DLG5: variants seen among roughly 807,000 people sequenced by gnomAD.
The protein encoded by DLG5 is disks large homolog 5.
In DLG5, 48 loss-of-function variants were observed where a neutral mutation model predicts 189.8. That is an observed-to-expected ratio of 0.25 (90% CI 0.20 to 0.32). The LOEUF (loss-of-function observed/expected upper bound fraction) is 0.32. Among genes scored for constraint, DLG5 ranks in the 10% least tolerant of loss-of-function variants. The pLI is 1.00. For synonymous variants in DLG5, 1,016 were observed against 1,054.1 expected (o/e 0.96, Z 0.70); for missense variants, 2,160 against 2,544.7 (o/e 0.85, Z 3.25).
intron 1 of DLG5, among the ~76,000 whole-genome samples, chr10:77,890,256 G>A (rs1845566693): frequency 6.6e-6 from 1 of 152,188 alleles, no homozygotes; most frequent in South Asian, 2.1e-4. Context: ...GCTGCAGCAG[G>A]ATGTCTTCAG....
At chr10:77,914,680 T>C (rs971317419) in intron 1 of DLG5, among the ~76,000 whole-genome samples, 1 of 151,526 alleles carries the variant, frequency 6.6e-6, no homozygotes, top group Non-Finnish European at 1.5e-5. Flanking sequence ...AGGAGTAACA[T>C]AACACTCTGA....
upstream of DLG5, among the ~76,000 whole-genome samples, chr10:77,931,341 ACTC>A (rs1340482369): frequency 6.6e-6 from 1 of 151,426 alleles, no homozygotes; most frequent in Non-Finnish European, 1.5e-5. Flanking sequence ...ACAGCCTCTA[ACTC>A]CTCAAGTGAT....
intron 7 of DLG5, among the ~76,000 whole-genome samples, chr10:77,840,675 C>T (rs963739244): frequency 1.1e-4 from 16 of 151,812 alleles, no homozygotes; most frequent in African/African-American, 3.4e-4. Context: ...GCCGAGATTG[C>T]GCCACTGCAC....
chr10:77,818,202 C>T (rs1842159836), intron 17 of DLG5, among the ~76,000 whole-genome samples: 1 of 152,026 alleles, frequency 6.6e-6, no homozygotes, highest in Admixed American at 6.6e-5. Flanking sequence ...CTGGGTGGGC[C>T]TGGGGAGGGG....
intron 14 of DLG5, among the ~76,000 whole-genome samples, chr10:77,823,885 C>T (rs1589160175): frequency 6.6e-6 from 1 of 152,062 alleles, no homozygotes; most frequent in East Asian, 1.9e-4. Flanking sequence ...TGCAGTGGCA[C>T]AATCACAACT....
At chr10:77,909,753 G>A (rs1042729114) in intron 1 of DLG5, among the ~76,000 whole-genome samples, 5 of 151,976 alleles carry the variant, frequency 3.3e-5, no homozygotes, top group African/African-American at 1.2e-4. Flanking sequence ...GTTTAGCTCC[G>A]TTTTTTTCAG....
At chr10:77,819,638 A>C in intron 16 of DLG5, 173 bp from the exon 17 acceptor site, 2 of 1,072,886 alleles carry the variant, frequency 1.9e-6, no homozygotes, top group Non-Finnish European at 2.6e-6. Context: ...GCCTGTCTCC[A>C]TTTGTAAAAA....
chr10:77,812,073 G>A lies in DLG5; in HGVS notation c.4189-16C>T, dbSNP rs145880285. On this transcript the variant is annotated splice_polypyrimidine_tract_variant and intron_variant, in intron 21 of 31. Transcript: ENST00000372391. ...TGCCGTTGAACTGGGGAAACACCAGGATGGGCTCAGTGGGGGGGTCGGGGC... is the reference window on the plus strand; with the variant it reads ...TGCCGTTGAACTGGGGAAACACCAGAATGGGCTCAGTGGGGGGGTCGGGGC... 9.1e-5 allele frequency: 146 copies of A among 1,608,058 alleles called. No homozygotes were observed. The African/African-American group carries it at 1.7e-3, about 19-fold the overall frequency.
chr10:77,905,064 A>C (rs954848891), intron 1 of DLG5, among the ~76,000 whole-genome samples: 7 of 150,188 alleles, frequency 4.7e-5, no homozygotes, highest in Admixed American at 4.0e-4. Context: ...GGGAGGCAGA[A>C]GTTGCAGTGA....
Position 77,806,738 on chromosome 10 carries a change from C to CCCCCCCCCCCCCACCAAA in DLG5, c.4967+19_4967+20insTTTGGTGGGGGGGGGGGG. ...CGGCGACCCCTGCCCCACCCCACCC[C>CCCCCCCCCCCCCACCAAA]AGGCCCGGAGAACACTTACACATAT... On this transcript the variant is annotated intron_variant, in intron 26 of 31. Coordinates refer to ENST00000372391, the MANE Select transcript of DLG5 (RefSeq NM_004747.4). The CCCCCCCCCCCCCACCAAA allele has an allele frequency of 6.4e-7, 1 of 1,574,714 alleles. No homozygotes were observed. Among genetic ancestry groups the CCCCCCCCCCCCCACCAAA allele is most frequent in the Non-Finnish European group, 8.7e-7 (1 of 1,147,900 alleles).
intron 5 of DLG5, among the ~76,000 whole-genome samples, chr10:77,852,663 G>A (rs996220130): frequency 6.6e-5 from 10 of 152,036 alleles, no homozygotes; most frequent in Admixed American, 3.9e-4. Flanking sequence ...TGCCTGCCTC[G>A]GCCTCCCAAA....
chr10:77,853,948 C>T (rs1306232137), intron 4 of DLG5, among the ~76,000 whole-genome samples: 1 of 152,220 alleles, frequency 6.6e-6, no homozygotes, highest in African/African-American at 2.4e-5. Context: ...TGGACAGAGA[C>T]CCAGAGGCCT....
At chr10:77,868,282 G>A (rs528901395) in intron 2 of DLG5, 12 of 366,268 alleles carry the variant, frequency 3.3e-5, no homozygotes, top group African/African-American at 2.5e-4. Flanking sequence ...TTATTTAACT[G>A]TTTCCCACCA....
At chr10:77,803,485 A>T (rs1333613279) in intron 27 of DLG5, among the ~76,000 whole-genome samples, 1 of 152,252 alleles carries the variant, frequency 6.6e-6, no homozygotes, top group Non-Finnish European at 1.5e-5. Flanking sequence ...GTAAAAGAAA[A>T]AGATAAACTG....
At chr10:77,794,153 G>T in intron 30 of DLG5, 36 bp from the exon 31 acceptor site, 1 of 1,578,630 alleles carries the variant, frequency 6.3e-7, no homozygotes. Flanking sequence ...TGAGCACTGA[G>T]CCTCCTCCAG....
chr10:77,821,336 C>T lies in DLG5; in HGVS notation c.3148G>A (p.Ala1050Thr), dbSNP rs552718615. 52 of 1,613,064 alleles carry T rather than the reference C, an allele frequency of 3.2e-5. No homozygotes were observed. Among genetic ancestry groups the T allele is most frequent in the South Asian group, 3.1e-4 (28 of 91,086 alleles). Reference protein sequence around the residue: ...GSSPSTSPPSALPPDVDPGEP... With the variant: ...GSSPSTSPPSTLPPDVDPGEP... ...CCGGGGTCCACGTCAGGGGGCAGGG[C>T]GCTCGGGGGACTAGTGGATGGGGAG... Residue 1050 changes from alanine (A) to threonine (T), a missense_variant, in exon 15 of 32, where the codon GCC (alanine) becomes ACC (threonine). This residue lies in a region of DLG5 where 754 missense variants were observed against 746.5 expected (regional missense o/e 1.01). Coordinates refer to ENST00000372391, the MANE Select transcript of DLG5 (RefSeq NM_004747.4).
intron 1 of DLG5, among the ~76,000 whole-genome samples, chr10:77,873,289 G>A (rs183186588): frequency 2.6e-5 from 4 of 152,266 alleles, no homozygotes; most frequent in Non-Finnish European, 1.5e-5. Flanking sequence ...GTTTCAGAAT[G>A]CATTTCTCAC....
chr10:77,867,486 G>A (rs1411148798), intron 2 of DLG5, among the ~76,000 whole-genome samples: 1 of 152,158 alleles, frequency 6.6e-6, no homozygotes, highest in East Asian at 1.9e-4. Context: ...TTCCTGAAGG[G>A]TGAGTCCCAC....
chr10:77,844,026 G>T (rs552540394), intron 5 of DLG5, among the ~76,000 whole-genome samples: 1 of 152,146 alleles, frequency 6.6e-6, no homozygotes, highest in Non-Finnish European at 1.5e-5. Flanking sequence ...CTAGGAACCC[G>T]AACAGTAAAC....
Sources: allele counts gnomAD v4.1 joint callset (sites outside exome capture counted in the v4.1 genomes callset), GRCh38; gene constraint gnomAD v4.1.1; regional missense constraint gnomAD v4.1.1; transcripts MANE v1.5; gene names NCBI Gene and HGNC (gene_info 2026-07-23, HGNC 2026-07-21).